EPHX1: variants seen among roughly 807,000 people sequenced by gnomAD.
EPHX1 encodes the protein epoxide hydrolase 1.
In EPHX1, 40 loss-of-function variants were observed where a neutral mutation model predicts 43.2. The ratio of observed to expected loss-of-function variants is 0.93; its 90% CI spans 0.72 to 1.21. EPHX1 has a LOEUF of 1.21. Ranked by LOEUF, EPHX1 falls within the 50% of genes most tolerant of loss-of-function variation. The pLI is 0.00. For synonymous variants in EPHX1, 221 were observed against 226.7 expected (o/e 0.98, Z 0.22); for missense variants, 550 against 570.4 (o/e 0.96, Z 0.36).
At chr1:225,839,764 T>A (rs1668238005) in intron 5 of EPHX1, 65 bp from the exon 6 acceptor site, 2 of 1,536,770 alleles carry the variant, frequency 1.3e-6, no homozygotes, top group Non-Finnish European at 1.8e-6. Context: ...TCCTCCGCCA[T>A]CTCTCCTCTC....
In EPHX1 at chr1:225,810,157, G is replaced by A. The variant is rs1444368486; in HGVS notation, c.-18G>A. The A allele has an allele frequency of 2.0e-5, 3 of 151,784 alleles. No homozygotes were observed. Among genetic ancestry groups the A allele is most frequent in the Non-Finnish European group, 2.9e-5 (2 of 67,916 alleles). 9.4% of individuals were successfully genotyped at this position (151,784 alleles called of 1,614,324 possible). ...CGCGCGCCTGCCGCCGCCGGAGCCT[G>A]CGAGCCGAGACCGTAAGCGCCCGGG... On this transcript the variant is annotated 5_prime_UTR_variant, in exon 1 of 9. Coordinates refer to ENST00000272167, the MANE Select transcript of EPHX1 (RefSeq NM_001136018.4).
intron 1 of EPHX1, among the ~76,000 whole-genome samples, chr1:225,822,894 G>T (rs556107073): frequency 1.3e-5 from 2 of 152,098 alleles, no homozygotes; most frequent in African/African-American, 4.8e-5. Context: ...ACTCCCTCAC[G>T]TCCAGCCTGT....
chr1:225,831,956 G>A lies in EPHX1; in HGVS notation c.361G>A (p.Glu121Lys). 2 of 1,614,068 alleles carry A rather than the reference G, an allele frequency of 1.2e-6. No homozygotes were observed. The highest frequency in any genetic ancestry group is 1.7e-6 in the Non-Finnish European group (2 of 1,180,008). Residue 121 changes from glutamate to lysine, a missense_variant, in exon 3 of 9, where the codon GAA (glutamate) becomes AAA (lysine). Physicochemically the swap from Glu to Lys is moderately conservative, Grantham distance 56. Transcript: ENST00000272167. ...ATACCCTCACTTCAAGACTAAGATT[G>A]AAGGTATGTTTGCAAAACGCCAGCC... Reference protein sequence around the residue: ...NRYPHFKTKIEGLDIHFIHVK... With the variant: ...NRYPHFKTKIKGLDIHFIHVK...
chr1:225,839,634 G>C (rs368019910), intron 5 of EPHX1, among the ~76,000 whole-genome samples, 195 bp from the exon 6 acceptor site: 5 of 152,238 alleles, frequency 3.3e-5, no homozygotes, highest in African/African-American at 1.2e-4. Context: ...GCCCTGAGCA[G>C]AACTCCCCAG....
Position 225,828,751 on chromosome 1 carries a change from A to G in EPHX1, c.22A>G (p.Thr8Ala). The G allele has an allele frequency of 6.2e-7, 1 of 1,612,688 alleles. No homozygotes were observed. The highest frequency in any genetic ancestry group is 1.1e-5 in the South Asian group (1 of 90,984). The stretch of plus-strand genomic sequence containing the variant: ...AGCCATGTGGCTAGAAATCCTCCTC[A>G]CTTCAGTGCTGGGCTTTGCCATCTA... MWLEILL[T>A]SVLGFAIYWF... Residue 8 changes from threonine (T) to alanine (A), a missense_variant, in exon 2 of 9, where the codon ACT becomes GCT. Coordinates refer to ENST00000272167, the MANE Select transcript of EPHX1 (RefSeq NM_001136018.4).
At chr1:225,836,468 C>T (rs910295833) in intron 3 of EPHX1, among the ~76,000 whole-genome samples, 8 of 152,072 alleles carry the variant, frequency 5.3e-5, no homozygotes, top group Non-Finnish European at 1.2e-4. Flanking sequence ...CATGGTGTTG[C>T]CCACCTGTAG....
At position 225,817,895 on chromosome 1, in the gene EPHX1, TGTG is replaced by T. The variant is rs1666801066; in HGVS notation, c.-6+7730_-6+7732del. Among the ~76,000 whole-genome samples, 2 of 152,360 alleles carry T rather than the reference TGTG, an allele frequency of 1.3e-5. No individual in the cohort carries two copies. The highest frequency in any genetic ancestry group is 4.1e-4 in the South Asian group (2 of 4,828). On this transcript the variant is annotated intron_variant, in intron 1 of 8. Transcript: ENST00000272167. This position sits in a 1 kb window ranked among gnomAD's most constrained non-coding sequence, Gnocchi z 5.7. ...TACTGCGATTTTAGGAGCACTTTCT[TGTG>T]GTGAGGTTCTGACTGCTTGCTTGGG...
At chr1:225,814,693 A>C (rs1575974445) in intron 1 of EPHX1, among the ~76,000 whole-genome samples, 1 of 152,218 alleles carries the variant, frequency 6.6e-6, no homozygotes. Flanking sequence ...GCAGGCAGCC[A>C]TTGGCCCTCC....
At chr1:225,825,739 A>G (rs1357650813) in intron 1 of EPHX1, among the ~76,000 whole-genome samples, 4 of 152,232 alleles carry the variant, frequency 2.6e-5, no homozygotes, top group African/African-American at 9.6e-5. Context: ...GGCAGTGCCC[A>G]GGACGGGCAC....
intron 1 of EPHX1, among the ~76,000 whole-genome samples, chr1:225,811,435 G>A (rs953579466): frequency 9.2e-5 from 14 of 152,206 alleles, no homozygotes; most frequent in Non-Finnish European, 1.8e-4. Context: ...GGCTCAGCTT[G>A]TGGCTGGAGG....
At chr1:225,838,009 G>C (rs1668061862) in intron 3 of EPHX1, among the ~76,000 whole-genome samples, 1 of 152,152 alleles carries the variant, frequency 6.6e-6, no homozygotes, top group Non-Finnish European at 1.5e-5. Context: ...TTACATTCTT[G>C]GAGTTTATCC....
chr1:225,828,661 T>C (rs2102715970), intron 1 of EPHX1, 64 bp from the exon 2 acceptor site: 2 of 1,566,324 alleles, frequency 1.3e-6, no homozygotes, highest in East Asian at 4.5e-5. Flanking sequence ...GGGATCAGAG[T>C]CTCTGGGCTG....
At chr1:225,813,417 C>A (rs1186887012) in intron 1 of EPHX1, among the ~76,000 whole-genome samples, 1 of 152,296 alleles carries the variant, frequency 6.6e-6, no homozygotes. Flanking sequence ...GAAGGCACCC[C>A]AGCAGTTCCC....
chr1:225,834,745 A>G (rs1004448628), intron 3 of EPHX1, among the ~76,000 whole-genome samples: 3 of 152,146 alleles, frequency 2.0e-5, no homozygotes, highest in East Asian at 1.9e-4. Flanking sequence ...GCTGTATGCA[A>G]TTACCATAGG....
chr1:225,813,775 C>T (rs761708188), intron 1 of EPHX1, among the ~76,000 whole-genome samples: 2 of 152,160 alleles, frequency 1.3e-5, no homozygotes, highest in Non-Finnish European at 2.9e-5. Context: ...TGTGTCTTTC[C>T]GTCTGTTGCC....
At chr1:225,821,234 T>C (rs567768550) in intron 1 of EPHX1, among the ~76,000 whole-genome samples, 1 of 152,254 alleles carries the variant, frequency 6.6e-6, no homozygotes, top group Non-Finnish European at 1.5e-5. Flanking sequence ...ATTAAATTAT[T>C]AAACTGATCT....
intron 1 of EPHX1, among the ~76,000 whole-genome samples, chr1:225,822,958 CAG>C (rs1025392551): frequency 1.3e-5 from 2 of 152,070 alleles, no homozygotes; most frequent in African/African-American, 4.8e-5. Flanking sequence ...ATAACAAGAA[CAG>C]GGGCTCCTCT....
chr1:225,838,364 G>C (rs1668082287), intron 3 of EPHX1, among the ~76,000 whole-genome samples: 1 of 152,226 alleles, frequency 6.6e-6, no homozygotes, highest in Non-Finnish European at 1.5e-5. Context: ...ACCCAGCAGT[G>C]GCTGTACAGA....
chr1:225,829,708 C>T (rs953459703), intron 2 of EPHX1, among the ~76,000 whole-genome samples: 1 of 152,064 alleles, frequency 6.6e-6, no homozygotes, highest in African/African-American at 2.4e-5. Context: ...GAAGAGACAG[C>T]CCCTTCCGTC....
Sources: gnomAD v4.1 joint callset for allele counts (sites outside exome capture counted in the v4.1 genomes callset) on GRCh38, gnomAD v4.1.1 for gene constraint, Gnocchi (gnomAD v3.1) non-coding constraint, MANE v1.5 for transcripts, NCBI Gene and HGNC (gene_info 2026-07-23, HGNC 2026-07-21) for gene names.